ERG: variants seen among roughly 807,000 people sequenced by gnomAD.
ERG encodes ETS transcription factor ERG, also known as transcriptional regulator ERG.
ERG carries 9 observed loss-of-function variants against 55.3 expected under a neutral mutation model. The ratio of observed to expected loss-of-function variants is 0.16; its 90% confidence interval spans 0.10 to 0.28. ERG has a LOEUF of 0.28. ERG is among the 10% of genes least tolerant of loss of function. The pLI, the probability that ERG is intolerant of heterozygous loss-of-function variation, is 1.00. For missense variants in ERG, 434 were observed against 631.6 expected, an observed-to-expected ratio of 0.69 and a Z score of 3.35; for synonymous variants, 223 against 237.3, an observed-to-expected ratio of 0.94 and a Z score of 0.55.
At chr21:38,523,876 G>A (rs2836462) in intron 2 of ERG, among the ~76,000 whole-genome samples, 5,092 of 152,262 alleles carry the variant, frequency 0.033, 170 homozygotes, top group Middle Eastern at 0.11. Context: ...ATCCATCTCA[G>A]AATACATGTC....
At chr21:38,431,087 T>C (rs1169060385) in intron 2 of ERG, among the ~76,000 whole-genome samples, 2 of 152,202 alleles carry the variant, frequency 1.3e-5, no homozygotes, top group African/African-American at 2.4e-5. Flanking sequence ...GTTCTAATCA[T>C]TTAAAATCAT....
At chr21:38,594,391 T>C (rs997706392) in intron 1 of ERG, among the ~76,000 whole-genome samples, 4 of 152,216 alleles carry the variant, frequency 2.6e-5, no homozygotes, top group African/African-American at 4.8e-5. Context: ...TGAAGCCTCA[T>C]AGGTATGCAC....
intron 2 of ERG, among the ~76,000 whole-genome samples, chr21:38,433,691 C>G (rs1601396305): frequency 1.3e-5 from 2 of 152,246 alleles, no homozygotes; most frequent in East Asian, 3.9e-4. Context: ...AAGAACGGCA[C>G]TGAATACATC....
chr21:38,644,267 T>C (rs185866048), intron 1 of ERG, among the ~76,000 whole-genome samples: 1 of 152,358 alleles, frequency 6.6e-6, no homozygotes, highest in East Asian at 1.9e-4. Flanking sequence ...ATATTGTTAC[T>C]AAGTAGAAGA....
At chr21:38,372,267 T>C in the ERG span, among the ~76,000 whole-genome samples, 2 of 152,014 alleles carry the variant, frequency 1.3e-5, no homozygotes, top group African/African-American at 4.8e-5. Context: ...ATTTTATTAA[T>C]CTTTTAAAAA....
intron 1 of ERG, among the ~76,000 whole-genome samples, chr21:38,483,209 T>C (rs1223007738): frequency 6.6e-6 from 1 of 152,174 alleles, no homozygotes; most frequent in South Asian, 2.1e-4. Context: ...AGATCTAACG[T>C]ACACCATAAG....
At chr21:38,407,420 A>G (rs1314024612) in intron 3 of ERG, among the ~76,000 whole-genome samples, 1 of 152,056 alleles carries the variant, frequency 6.6e-6, no homozygotes, top group African/African-American at 2.4e-5. Context: ...GCAAAGATAT[A>G]TAAATATCTG....
At chr21:38,436,584 T>A (rs1453355744) in intron 2 of ERG, among the ~76,000 whole-genome samples, 2 of 152,190 alleles carry the variant, frequency 1.3e-5, no homozygotes, top group African/African-American at 4.8e-5. Flanking sequence ...TGACGAAAAC[T>A]TTTGGAAACT....
chr21:38,518,993 C>T (rs2059574122), intron 2 of ERG, among the ~76,000 whole-genome samples: 1 of 152,148 alleles, frequency 6.6e-6, no homozygotes, highest in Non-Finnish European at 1.5e-5. Context: ...AGAAACTGCA[C>T]AGGCAGTCAT....
chr21:38,568,804 G>A (rs975549086), intron 2 of ERG, among the ~76,000 whole-genome samples: 3 of 152,246 alleles, frequency 2.0e-5, no homozygotes, highest in Admixed American at 1.3e-4. Flanking sequence ...ATCTGTACTC[G>A]CCTGCTACAG....
intron 1 of ERG, among the ~76,000 whole-genome samples, chr21:38,482,769 C>T (rs2059249601): frequency 6.6e-6 from 1 of 151,918 alleles, no homozygotes; most frequent in African/African-American, 2.4e-5. Context: ...CCTCTGCCTC[C>T]CAGGTTCAAG....
intron 1 of ERG, among the ~76,000 whole-genome samples, chr21:38,446,926 A>AT (rs1039845988): frequency 5.3e-5 from 8 of 151,806 alleles, no homozygotes; most frequent in African/African-American, 1.9e-4. Context: ...CCTTTGTGAC[A>AT]TTTTTTTCCT....
At chr21:38,448,654 G>A (rs369921052) in intron 1 of ERG, among the ~76,000 whole-genome samples, 18 of 152,234 alleles carry the variant, frequency 1.2e-4, no homozygotes, top group South Asian at 1.0e-3. Context: ...CCACAACAGC[G>A]GTCACTAAAG....
intron 2 of ERG, among the ~76,000 whole-genome samples, chr21:38,430,347 C>T (rs567403627): frequency 6.6e-6 from 1 of 152,302 alleles, no homozygotes; most frequent in South Asian, 2.1e-4. Context: ...CAAATATTTT[C>T]TTCCACTCTG....
At chr21:38,599,175 C>G (rs182329716) in intron 1 of ERG, among the ~76,000 whole-genome samples, 1,859 of 152,148 alleles carry the variant, frequency 0.012, 21 homozygotes, top group Middle Eastern at 0.027. Flanking sequence ...CATGGGGGGG[C>G]ACACTGAGCT....
At chr21:38,650,397 A>G (rs2060481752) in intron 1 of ERG, among the ~76,000 whole-genome samples, 1 of 151,878 alleles carries the variant, frequency 6.6e-6, no homozygotes, top group Admixed American at 6.6e-5. Flanking sequence ...ACACTTTGGG[A>G]GGCTGAGGCA....
In ERG at chr21:38,599,317, G is replaced by A. The variant is rs187058618; in HGVS notation, c.-149-14372C>T. ...GAGGTGTACCAGGGTGAAGCTAGGG[G>A]AAGGGTACCATCAGCAGACACACAC... On this transcript the variant is annotated intron_variant, in intron 1 of 10. Transcript: ENST00000398910. 1.7e-3 allele frequency among the ~76,000 whole-genome samples: 243 copies of A among 142,264 alleles called. 1 individual carries two copies. The highest frequency in any genetic ancestry group is 5.8e-3 in the African/African-American group (188 of 32,258). The allele number at this position is 142,264 out of a possible 152,430, so 93.3% of individuals were successfully genotyped here. A position where few individuals can be genotyped will look rare whatever the true frequency, so the allele number is the denominator to read the frequency against.
At chr21:38,585,532 C>CTTTTTT (rs760791568), upstream of ERG, among the ~76,000 whole-genome samples, 45 of 59,282 alleles carry the variant, frequency 7.6e-4, 10 homozygotes, top group Non-Finnish European at 1.1e-3. Context: ...TCTCTCTCTT[C>CTTTTTT]TTTTTTTTTT....
At chr21:38,516,561 T>C (rs2146736969) in intron 2 of ERG, among the ~76,000 whole-genome samples, 1 of 152,170 alleles carries the variant, frequency 6.6e-6, no homozygotes, top group South Asian at 2.1e-4. Context: ...ACAGATTCAA[T>C]GCAATCCCTG....
Sources: allele counts gnomAD v4.1 joint callset (sites outside exome capture counted in the v4.1 genomes callset), GRCh38; gene constraint gnomAD v4.1.1; transcripts MANE v1.5; gene names NCBI Gene and HGNC (gene_info 2026-07-23, HGNC 2026-07-21).